UNC5C: variants seen among roughly 807,000 people sequenced by gnomAD.
UNC5C encodes unc-5 netrin receptor C, also known as netrin receptor UNC5C.
A neutral mutation model predicts 99.8 loss-of-function variants in UNC5C; 47 were observed. The observed-to-expected ratio is 0.47, with a 90% CI of 0.37 to 0.60. UNC5C has a LOEUF of 0.60. UNC5C is among the 20% of genes least tolerant of loss of function. The probability of loss-of-function intolerance (pLI) is 0.00; values close to 1 mark genes in which losing one functional copy is unlikely to be tolerated. For missense variants in UNC5C, 1,062 were observed against 1,165.9 expected (o/e 0.91, Z 1.30); for synonymous variants, 487 against 452.2 (o/e 1.08, Z -0.98).
chr4:95,225,168 TG>T (rs1427338618), intron 7 of UNC5C, among the ~76,000 whole-genome samples: 3 of 152,176 alleles, frequency 2.0e-5, no homozygotes, highest in African/African-American at 7.2e-5. Context: ...GCGATTCTCC[TG>T]TCTCAGCCTC....
intron 6 of UNC5C, among the ~76,000 whole-genome samples, chr4:95,243,253 G>T (rs576496174): frequency 5.3e-5 from 8 of 151,880 alleles, no homozygotes; most frequent in Non-Finnish European, 1.0e-4. Context: ...AAAATTTTAG[G>T]TAAGTCCCTA....
chr4:95,333,625 G>C (rs1462930350), intron 2 of UNC5C, among the ~76,000 whole-genome samples: 3 of 151,980 alleles, frequency 2.0e-5, no homozygotes, highest in Middle Eastern at 6.8e-3. Flanking sequence ...AATTCTAAAT[G>C]ACCAGTTAAT....
In UNC5C at chr4:95,342,555, G is replaced by A. The variant is rs974590037; in HGVS notation, c.125-6924C>T. On this transcript the variant is annotated intron_variant, in intron 1 of 15. Transcript: ENST00000453304. ...TGGTTCTGGGGTGAGACTCAGAGACGTGCTGGCTTCATATGGCTTCAGACT... is the reference window on the plus strand; with the variant it reads ...TGGTTCTGGGGTGAGACTCAGAGACATGCTGGCTTCATATGGCTTCAGACT... Among the ~76,000 whole-genome samples the A allele has an allele frequency of 4.6e-5, 7 of 151,962 alleles. No individual in the cohort carries two copies. The South Asian group carries it at 6.2e-4, about 14-fold the overall frequency.
chr4:95,518,507 T>C (rs984527363), intron 1 of UNC5C, among the ~76,000 whole-genome samples: 17 of 152,294 alleles, frequency 1.1e-4, no homozygotes, highest in African/African-American at 3.6e-4. Flanking sequence ...TGCATATTTA[T>C]ACAGAAAACT....
At chr4:95,184,163 TAG>T (rs1208055022) in intron 13 of UNC5C, among the ~76,000 whole-genome samples, 1 of 152,216 alleles carries the variant, frequency 6.6e-6, no homozygotes, top group Admixed American at 6.5e-5. Context: ...GAGCTGTGCA[TAG>T]AGAGTCTGGC....
chr4:95,381,512 GTCC>G (rs1312250258), intron 1 of UNC5C, among the ~76,000 whole-genome samples: 1 of 152,050 alleles, frequency 6.6e-6, no homozygotes, highest in Non-Finnish European at 1.5e-5. Flanking sequence ...AGAACTACCA[GTCC>G]TCCTCCTCTA....
chr4:95,245,417 T>C (rs72672790), intron 5 of UNC5C, among the ~76,000 whole-genome samples: 8,899 of 152,188 alleles, frequency 0.058, 285 homozygotes, highest in Middle Eastern at 0.099. Context: ...TGGCCAGTGT[T>C]CTTAAAAAAT....
chr4:95,179,261 G>T (rs1177986763), intron 14 of UNC5C, among the ~76,000 whole-genome samples: 1 of 152,200 alleles, frequency 6.6e-6, no homozygotes, highest in Non-Finnish European at 1.5e-5. Context: ...TTTTGAGCAG[G>T]TTATGGAAAG....
chr4:95,219,425 A>G, intron 8 of UNC5C, 112 bp from the exon 9 acceptor site: 1 of 993,000 alleles, frequency 1.0e-6, no homozygotes, highest in Non-Finnish European at 1.5e-6. Context: ...CTCAGCTAAT[A>G]TCGGAGATAG....
In UNC5C at chr4:95,173,953, T is replaced by C. The variant is rs1736229941; in HGVS notation, c.2452-3621A>G. On this transcript the variant is annotated intron_variant, in intron 14 of 15. Transcript: ENST00000453304. ...TGGTCTATTCAGAGATTCAACTTCT[T>C]CCTGGTTTAGTCTTGGGAGAGTGTA... Among the ~76,000 whole-genome samples the C allele has an allele frequency of 2.6e-5, 4 of 152,026 alleles. No homozygotes were observed. The South Asian group carries it at 8.3e-4, about 32-fold the overall frequency.
chr4:95,220,180 G>T lies in UNC5C; in HGVS notation c.1109-4C>A. 6.2e-7 allele frequency: 1 copy of T among 1,610,606 alleles called. No individual in the cohort carries two copies. The highest frequency in any genetic ancestry group is 2.2e-5 in the East Asian group (1 of 44,756). On this transcript the variant is annotated splice_polypyrimidine_tract_variant and splice_region_variant and intron_variant, in intron 7 of 15. Coordinates refer to ENST00000453304, the MANE Select transcript of UNC5C (RefSeq NM_003728.4). ...ACATCATCTGAATCAGGAGCAGCTA[G>T]AGAGGAGAGTGAAACATTGAACCAG...
chr4:95,460,265 T>C (rs1214789474), intron 1 of UNC5C, among the ~76,000 whole-genome samples: 1 of 151,044 alleles, frequency 6.6e-6, no homozygotes, highest in African/African-American at 2.4e-5. Context: ...TATCCATGTA[T>C]ATGTATGAAT....
Position 95,487,157 on chromosome 4 carries a change from C to A in UNC5C, c.124+61577G>T, listed in dbSNP as rs79296253. 2.7e-3 allele frequency among the ~76,000 whole-genome samples: 410 copies of A among 151,876 alleles called. 3 individuals carry two copies. Among genetic ancestry groups the A allele is most frequent in the East Asian group, 0.022 (113 of 5,126 alleles). Reference sequence around the variant, plus strand: ...CCCATTCTGTGGTATTCTGTTATAGCAGCAGAGACTAAAACACCATCTTTC... The same window carrying A: ...CCCATTCTGTGGTATTCTGTTATAGAAGCAGAGACTAAAACACCATCTTTC... On this transcript the variant is annotated intron_variant, in intron 1 of 15. Transcript: ENST00000453304.
chr4:95,531,704 G>A (rs1251257385), intron 1 of UNC5C, among the ~76,000 whole-genome samples: 2 of 152,180 alleles, frequency 1.3e-5, no homozygotes, highest in Admixed American at 1.3e-4. Flanking sequence ...GGTTTAATAT[G>A]TACTCCAAAA....
At chr4:95,313,300 T>C (rs1379797639) in intron 2 of UNC5C, among the ~76,000 whole-genome samples, 5 of 152,120 alleles carry the variant, frequency 3.3e-5, no homozygotes, top group Admixed American at 6.6e-5. Flanking sequence ...AGCAGTGAGA[T>C]TGTGAAAATT....
chr4:95,332,534 C>G (rs1262667828), intron 2 of UNC5C, among the ~76,000 whole-genome samples: 1 of 151,784 alleles, frequency 6.6e-6, no homozygotes, highest in South Asian at 2.1e-4. Flanking sequence ...AAAGCTGAAA[C>G]TGGATCCCTT....
At chr4:95,398,044 C>CTT (rs34609153) in intron 1 of UNC5C, among the ~76,000 whole-genome samples, 10,463 of 95,626 alleles carry the variant, frequency 0.11, 1,017 homozygotes, top group East Asian at 0.33. Context: ...CCAAATGTAG[C>CTT]TTTTTTTTTT....
At chr4:95,354,844 C>G (rs1358013000) in intron 1 of UNC5C, among the ~76,000 whole-genome samples, 2 of 151,988 alleles carry the variant, frequency 1.3e-5, no homozygotes, top group Non-Finnish European at 2.9e-5. Context: ...CAGTTTAGAA[C>G]CATTTTCTAT....
At position 95,461,303 on chromosome 4, in the gene UNC5C, T is replaced by TC. The variant is rs1553975786; in HGVS notation, c.124+87430_124+87431insG. On this transcript the variant is annotated intron_variant, in intron 1 of 15. Coordinates refer to ENST00000453304, the MANE Select transcript of UNC5C (RefSeq NM_003728.4). ...GATGTGATACAGTCCTTTTCCAACA[T>TC]GAAGCACAAGGCAAGAGCAAGTTGA... Among the ~76,000 whole-genome samples, 6 of 143,456 alleles carry TC rather than the reference T, an allele frequency of 4.2e-5. 2 individuals are homozygous for TC. Among genetic ancestry groups the TC allele is most frequent in the South Asian group, 4.6e-4 (2 of 4,366 alleles). 94.1% of individuals were successfully genotyped at this position (143,456 alleles called of 152,430 possible).
Sources: gnomAD v4.1 joint callset for allele counts (sites outside exome capture counted in the v4.1 genomes callset) on GRCh38, gnomAD v4.1.1 for gene constraint, MANE v1.5 for transcripts, NCBI Gene and HGNC (gene_info 2026-07-23, HGNC 2026-07-21) for gene names.